The following NOX4 variants were observed in gnomAD, a reference collection of about 807,000 sequenced individuals.
NOX4 encodes the protein NADPH oxidase 4.
Under a neutral mutation model 87.6 loss-of-function variants are expected in NOX4, and 69 were observed. The ratio of observed to expected loss-of-function variants is 0.79; its 90% CI spans 0.65 to 0.96. NOX4 has a LOEUF of 0.96. NOX4 is among the 40% of genes least tolerant of loss of function. The probability of loss-of-function intolerance (pLI) is 0.00; values close to 1 mark genes in which losing one functional copy is unlikely to be tolerated. For synonymous variants in NOX4, 275 were observed against 238.2 expected (o/e 1.15, Z -1.42); for missense variants, 680 against 681.5 (o/e 1.00, Z 0.02).
At chr11:89,444,664 T>C (rs1944611919) in intron 4 of NOX4, among the ~76,000 whole-genome samples, 1 of 152,070 alleles carries the variant, frequency 6.6e-6, no homozygotes, top group Non-Finnish European at 1.5e-5. Context: ...TTAATACATA[T>C]CTTGCATACT....
the NOX4 span, among the ~76,000 whole-genome samples, chr11:89,534,624 A>T: frequency 6.6e-6 from 1 of 152,236 alleles, no homozygotes; most frequent in African/African-American, 2.4e-5. Context: ...GACTGAGTCC[A>T]CTTCTCTAAG....
the NOX4 span, among the ~76,000 whole-genome samples, chr11:89,511,007 T>C: frequency 6.6e-6 from 1 of 152,166 alleles, no homozygotes; most frequent in South Asian, 2.1e-4. Context: ...TCTGAAATAT[T>C]TGTAATTGCA....
At chr11:89,366,971 A>T (rs1939049945) in intron 12 of NOX4, among the ~76,000 whole-genome samples, 1 of 152,106 alleles carries the variant, frequency 6.6e-6, no homozygotes, top group African/African-American at 2.4e-5. Context: ...TGGGCACTTA[A>T]ATTGTAGTAC....
chr11:89,373,094 C>T (rs1939566578), intron 12 of NOX4, among the ~76,000 whole-genome samples: 2 of 151,636 alleles, frequency 1.3e-5, no homozygotes, highest in African/African-American at 4.8e-5. Context: ...TATTTTGACT[C>T]ATGTTTTCTA....
upstream of NOX4, among the ~76,000 whole-genome samples, chr11:89,502,478 C>T (rs1947033058): frequency 6.6e-6 from 1 of 152,024 alleles, no homozygotes; most frequent in African/African-American, 2.4e-5. Flanking sequence ...TAAGACTATG[C>T]TCTAGGAGAT....
the NOX4 span, among the ~76,000 whole-genome samples, chr11:89,589,179 T>G: frequency 1.3e-5 from 2 of 152,168 alleles, no homozygotes; most frequent in Non-Finnish European, 2.9e-5. Flanking sequence ...CTTACACGGT[T>G]AGCTTTTTAA....
chr11:89,434,515 T>C (rs1386304240), intron 6 of NOX4, among the ~76,000 whole-genome samples: 1 of 152,002 alleles, frequency 6.6e-6, no homozygotes, highest in African/African-American at 2.4e-5. Context: ...AGATAACTAG[T>C]CTAGTTCACT....
intron 11 of NOX4, among the ~76,000 whole-genome samples, chr11:89,397,356 A>G (rs751713576): frequency 2.0e-4 from 31 of 152,180 alleles, no homozygotes; most frequent in Non-Finnish European, 3.2e-4. Context: ...AATGCCCACA[A>G]GAGAAAGGAG....
intron 7 of NOX4, among the ~76,000 whole-genome samples, chr11:89,429,330 G>T (rs552411018): frequency 6.6e-6 from 1 of 152,056 alleles, no homozygotes; most frequent in Non-Finnish European, 1.5e-5. Context: ...ACATTCAAAA[G>T]CTAGCAGAAG....
chr11:89,500,564 A>G (rs191128679), upstream of NOX4, among the ~76,000 whole-genome samples: 145 of 152,218 alleles, frequency 9.5e-4, no homozygotes, highest in African/African-American at 3.0e-3. Context: ...TTAGACATTG[A>G]CCATGTTTCT....
intron 17 of NOX4, among the ~76,000 whole-genome samples, chr11:89,327,744 C>T (rs573748267): frequency 9.8e-4 from 148 of 151,682 alleles, no homozygotes; most frequent in African/African-American, 3.3e-3. Context: ...AAAATTGGTA[C>T]CAAAAATTAA....
At chr11:89,484,032 T>C (rs962122693) in intron 2 of NOX4, among the ~76,000 whole-genome samples, 3 of 152,128 alleles carry the variant, frequency 2.0e-5, no homozygotes, top group African/African-American at 7.2e-5. Context: ...CCTTCCATAC[T>C]ATGGATGAGA....
At chr11:89,517,811 A>G in the NOX4 span, among the ~76,000 whole-genome samples, 1 of 152,054 alleles carries the variant, frequency 6.6e-6, no homozygotes, top group African/African-American at 2.4e-5. Flanking sequence ...AATAAGGATT[A>G]TGTTGATCTT....
At chr11:89,585,513 C>T in the NOX4 span, among the ~76,000 whole-genome samples, 25 of 152,124 alleles carry the variant, frequency 1.6e-4, no homozygotes, top group Non-Finnish European at 3.1e-4. Flanking sequence ...GCTTCATGGG[C>T]CATATGGTTT....
At chr11:89,549,210 AT>A in the NOX4 span, among the ~76,000 whole-genome samples, 3 of 152,210 alleles carry the variant, frequency 2.0e-5, no homozygotes, top group South Asian at 6.2e-4. Context: ...ATTATAAAAA[AT>A]GTCACTGTGT....
chr11:89,356,440 G>GA (rs1938064034), intron 12 of NOX4, among the ~76,000 whole-genome samples: 1 of 128,896 alleles, frequency 7.8e-6, no homozygotes, highest in Admixed American at 7.6e-5. Context: ...AAAAAAAAAG[G>GA]ACAAAGGAAA....
chr11:89,378,444 A>G (rs1464057972), intron 11 of NOX4, among the ~76,000 whole-genome samples: 8 of 152,090 alleles, frequency 5.3e-5, no homozygotes, highest in Admixed American at 5.2e-4. Flanking sequence ...CCCTTAAATT[A>G]TTAGTACGAC....
chr11:89,578,533 T>C, the NOX4 span, among the ~76,000 whole-genome samples: 102 of 152,276 alleles, frequency 6.7e-4, no homozygotes, highest in South Asian at 1.2e-3. Flanking sequence ...CCCTAAAATA[T>C]AGTCACTTTA....
intron 2 of NOX4, among the ~76,000 whole-genome samples, chr11:89,472,923 C>T (rs1042735235): frequency 6.6e-6 from 1 of 152,164 alleles, no homozygotes; most frequent in African/African-American, 2.4e-5. Flanking sequence ...CCACTTGTCT[C>T]CAGAACCTAG....
Sources: allele counts gnomAD v4.1 joint callset (sites outside exome capture counted in the v4.1 genomes callset), GRCh38; gene constraint gnomAD v4.1.1; transcripts MANE v1.5; gene names NCBI Gene and HGNC (gene_info 2026-07-23, HGNC 2026-07-21).